SLC8A1: variants seen among roughly 807,000 people sequenced by gnomAD.
SLC8A1 encodes the protein solute carrier family 8 member A1.
Under a neutral mutation model 68.3 loss-of-function variants are expected in SLC8A1, and 18 were observed. That is an observed-to-expected ratio of 0.26 (90% CI 0.18 to 0.39). The LOEUF is 0.39. Among genes scored for constraint, SLC8A1 ranks in the 10% least tolerant of loss-of-function variants. SLC8A1 has a pLI of 1.00. For synonymous variants in SLC8A1, 475 were observed against 415.5 expected, an observed-to-expected ratio of 1.14 and a Z score of -1.74; for missense variants, 985 against 1,156.7, an observed-to-expected ratio of 0.85 and a Z score of 2.15.
chr2:40,262,421 G>T (rs993934542), intron 2 of SLC8A1, among the ~76,000 whole-genome samples: 1 of 152,110 alleles, frequency 6.6e-6, no homozygotes, highest in African/African-American at 2.4e-5. Context: ...TAAACCCAGT[G>T]GTGGACTGAA....
At chr2:40,152,858 A>C (rs2043711599) in intron 6 of SLC8A1, among the ~76,000 whole-genome samples, 1 of 152,100 alleles carries the variant, frequency 6.6e-6, no homozygotes, top group African/African-American at 2.4e-5. Context: ...GCTACTCAGG[A>C]GGGTGACACT....
intron 2 of SLC8A1, among the ~76,000 whole-genome samples, chr2:40,192,793 G>A (rs941619544): frequency 6.6e-6 from 1 of 151,938 alleles, no homozygotes; most frequent in Non-Finnish European, 1.5e-5. Flanking sequence ...CCTCTTAATA[G>A]ATTTAATTAA....
chr2:40,324,030 G>C (rs563160571), intron 2 of SLC8A1, among the ~76,000 whole-genome samples: 2 of 140,042 alleles, frequency 1.4e-5, no homozygotes, highest in Admixed American at 1.4e-4. Context: ...GTTAAAGGTG[G>C]GGGGGGGGCT....
At chr2:40,232,077 A>G (rs1307270580) in intron 2 of SLC8A1, among the ~76,000 whole-genome samples, 1 of 152,186 alleles carries the variant, frequency 6.6e-6, no homozygotes, top group Non-Finnish European at 1.5e-5. Context: ...AAATGGGTCC[A>G]GTTCAAAAAA....
At chr2:40,178,140 T>C (rs2048807351) in intron 2 of SLC8A1, among the ~76,000 whole-genome samples, 1 of 152,228 alleles carries the variant, frequency 6.6e-6, no homozygotes, top group Non-Finnish European at 1.5e-5. Context: ...CTGCAGCAAC[T>C]TTCCCAGAAA....
At chr2:40,443,028 CT>C (rs35351149) in intron 1 of SLC8A1, among the ~76,000 whole-genome samples, 30,969 of 151,844 alleles carry the variant, frequency 0.2, 3,441 homozygotes, top group East Asian at 0.39. Flanking sequence ...ACCACACGTT[CT>C]CACTCATAAG....
chr2:40,272,262 C>A (rs1262553634), intron 2 of SLC8A1, among the ~76,000 whole-genome samples: 1 of 152,142 alleles, frequency 6.6e-6, no homozygotes, highest in African/African-American at 2.4e-5. Context: ...TTATTGAGAA[C>A]TTAAGCTAGG....
At chr2:40,200,247 T>TATATAAATATATATATATATATAA (rs1558723396) in intron 2 of SLC8A1, among the ~76,000 whole-genome samples, 1 of 18,006 alleles carries the variant, frequency 5.6e-5, no homozygotes, top group African/African-American at 1.4e-4. Flanking sequence ...TAAATATATA[T>TATATAAATATATATATATATATAA]ATATATATAT....
rs61434245 is a variant in SLC8A1 at position 40,253,831 on chromosome 2, C to CAA, written c.1809-75978_1809-75977dup. Among the ~76,000 whole-genome samples the CAA allele has an allele frequency of 2.4e-3, 143 of 59,790 alleles. 1 individual carries two copies. Among genetic ancestry groups the CAA allele is most frequent in the African/African-American group, 4.4e-3 (69 of 15,598 alleles). 39.2% of individuals were successfully genotyped at this position (59,790 alleles called of 152,430 possible). ...AACAGAGCCAAACTCTGTCTGTCTCCAAAAAAAAAAAAAAAAAAAAAAAAA... is the reference window on the plus strand; with the variant it reads ...AACAGAGCCAAACTCTGTCTGTCTCCAAAAAAAAAAAAAAAAAAAAAAAAAAA... On this transcript the variant is annotated intron_variant, in intron 2 of 7. Coordinates refer to ENST00000406785, the Ensembl canonical transcript of SLC8A1.
chr2:40,215,690 C>A (rs956678797), intron 2 of SLC8A1, among the ~76,000 whole-genome samples: 1 of 148,252 alleles, frequency 6.7e-6, no homozygotes, highest in African/African-American at 2.5e-5. Flanking sequence ...AAGACAAGGT[C>A]TTGCTTTGTT....
At chr2:40,455,782 T>C (rs1329779639), upstream of SLC8A1, among the ~76,000 whole-genome samples, 2 of 152,208 alleles carry the variant, frequency 1.3e-5, no homozygotes, top group African/African-American at 4.8e-5. Flanking sequence ...AGTTAAACTT[T>C]TACTTCTCTG....
At chr2:40,354,908 T>C (rs1423119539) in intron 2 of SLC8A1, among the ~76,000 whole-genome samples, 1 of 152,136 alleles carries the variant, frequency 6.6e-6, no homozygotes, top group Non-Finnish European at 1.5e-5. Flanking sequence ...TCTAGAAATA[T>C]CCCTGGAAAA....
intron 2 of SLC8A1, among the ~76,000 whole-genome samples, chr2:40,294,062 T>C (rs1326705060): frequency 6.6e-6 from 1 of 152,074 alleles, no homozygotes; most frequent in Non-Finnish European, 1.5e-5. Flanking sequence ...CAACTAGAAT[T>C]TGCTGCTCAT....
chr2:40,385,032 A>G (rs555302944), intron 2 of SLC8A1, among the ~76,000 whole-genome samples: 2 of 152,198 alleles, frequency 1.3e-5, no homozygotes, highest in African/African-American at 2.4e-5. Context: ...CTTATAAAAT[A>G]CATTTCTAAA....
intron 2 of SLC8A1, among the ~76,000 whole-genome samples, chr2:40,206,661 C>A (rs1018391107): frequency 1.3e-5 from 2 of 151,930 alleles, no homozygotes; most frequent in African/African-American, 2.4e-5. Context: ...GAATCAGAAC[C>A]AGCAGAATGA....
intron 6 of SLC8A1, among the ~76,000 whole-genome samples, chr2:40,158,837 T>C (rs1437754486): frequency 6.6e-6 from 1 of 152,134 alleles, no homozygotes; most frequent in Non-Finnish European, 1.5e-5. Context: ...CATATGAAAG[T>C]GTTTGCAAGT....
chr2:40,338,521 A>G (rs573322585), intron 2 of SLC8A1, among the ~76,000 whole-genome samples: 1 of 152,210 alleles, frequency 6.6e-6, no homozygotes, highest in African/African-American at 2.4e-5. Context: ...CCCACAAACC[A>G]TGGTCTTTGA....
chr2:40,106,381 C>A (rs1218620879), exon 8 of SLC8A1: 1 of 151,982 alleles, frequency 6.6e-6, no homozygotes, highest in Non-Finnish European at 1.5e-5. Context: ...CTGGTAGAAC[C>A]AACTGCTCAC....
intron 2 of SLC8A1, among the ~76,000 whole-genome samples, chr2:40,302,343 T>G (rs1401205524): frequency 6.6e-6 from 1 of 151,878 alleles, no homozygotes; most frequent in Non-Finnish European, 1.5e-5. Context: ...TTTCTATTCC[T>G]GAGTTACTTC....
Sources: gnomAD v4.1 joint callset for allele counts (sites outside exome capture counted in the v4.1 genomes callset) on GRCh38, gnomAD v4.1.1 for gene constraint, MANE v1.5 for transcripts, NCBI Gene and HGNC (gene_info 2026-07-23, HGNC 2026-07-21) for gene names.